CDH23: variants seen among roughly 807,000 people sequenced by gnomAD.
CDH23 encodes cadherin-23.
In CDH23, 189 loss-of-function variants were observed where a neutral mutation model predicts 317.1. The observed-to-expected ratio is 0.60, with a 90% CI of 0.53 to 0.67. The LOEUF (loss-of-function observed/expected upper bound fraction) is 0.67. Among genes scored for constraint, CDH23 ranks in the 30% least tolerant of loss-of-function variants. The pLI, the probability that CDH23 is intolerant of heterozygous loss-of-function variation, is 0.00. For synonymous variants in CDH23, 1,839 were observed against 1,876.8 expected, an observed-to-expected ratio of 0.98 and a Z score of 0.52; for missense variants, 4,401 against 4,592.4, an observed-to-expected ratio of 0.96 and a Z score of 1.20.
intron 38 of CDH23, chr10:71,773,335 C>A: frequency 1.9e-6 from 3 of 1,588,936 alleles, no homozygotes; most frequent in East Asian, 2.3e-5. Context: ...TTTTTCCCAG[C>A]GCCCCGCCTC....
At chr10:71,567,018 C>A in intron 7 of CDH23, 82 bp downstream of exon 7, 2 of 1,296,568 alleles carry the variant, frequency 1.5e-6, no homozygotes, top group Non-Finnish European at 2.2e-6. Flanking sequence ...TCCAATGGGA[C>A]ATTGACCCAG....
At chr10:71,708,947 C>A in intron 26 of CDH23, 151 bp from the exon 27 acceptor site, 2 of 713,422 alleles carry the variant, frequency 2.8e-6, no homozygotes, top group Non-Finnish European at 5.0e-6. Flanking sequence ...GCTGCACCCG[C>A]ATCAGAGCAC....
chr10:71,790,468 C>T, intron 46 of CDH23, 55 bp downstream of exon 46: 2 of 1,593,750 alleles, frequency 1.3e-6, no homozygotes, highest in Non-Finnish European at 1.7e-6. Flanking sequence ...TGGGGATGGC[C>T]ACACTGCTGG....
At chr10:71,600,706 C>T (rs1860164503) in intron 9 of CDH23, among the ~76,000 whole-genome samples, 1 of 151,824 alleles carries the variant, frequency 6.6e-6, no homozygotes, top group Admixed American at 6.6e-5. Context: ...TCAGTCGAGA[C>T]AAGATTTCAC....
chr10:71,682,942 A>G (rs1864714861), intron 18 of CDH23, among the ~76,000 whole-genome samples: 1 of 152,064 alleles, frequency 6.6e-6, no homozygotes, highest in Non-Finnish European at 1.5e-5. Context: ...GAACAGAAGA[A>G]TGACCAGAAG....
intron 14 of CDH23, among the ~76,000 whole-genome samples, chr10:71,657,044 C>T (rs1863448087): frequency 6.6e-6 from 1 of 152,216 alleles, no homozygotes; most frequent in Admixed American, 6.5e-5. Flanking sequence ...CCTCCTGCTG[C>T]TTCACCCTCC....
chr10:71,551,435 G>A (rs1856592010), intron 6 of CDH23, among the ~76,000 whole-genome samples: 1 of 152,208 alleles, frequency 6.6e-6, no homozygotes, highest in African/African-American at 2.4e-5. Flanking sequence ...TGGAAATCGA[G>A]TCTCCGCATT....
intron 24 of CDH23, among the ~76,000 whole-genome samples, chr10:71,703,364 A>AATCCCATCT (rs1309254716): frequency 6.6e-6 from 1 of 152,220 alleles, no homozygotes; most frequent in Non-Finnish European, 1.5e-5. Context: ...CGGGGATGTG[A>AATCCCATCT]ATCCCATCTC....
rs397517306 is a variant in CDH23 at position 71,646,596 on chromosome 10, G to T, written c.1428G>T (p.Gly476=). ...NISLYENVTV[G]TSVLTVLATD... ...GCCTGTACGAGAACGTCACCGTGGG[G>T]ACCTCTGTGCTGACAGTCCTGGTGA... Residue 476 remains glycine, a synonymous_variant, in exon 14 of 70, where the codon GGG becomes GGT. Coordinates refer to ENST00000224721, the MANE Select transcript of CDH23 (RefSeq NM_022124.6). 12 of 1,613,996 alleles carry T rather than the reference G, an allele frequency of 7.4e-6. No individual in the cohort carries two copies. The highest frequency in any genetic ancestry group is 3.3e-5 in the Admixed American group (2 of 60,024).
Position 71,800,669 on chromosome 10 carries a change from G to A in CDH23, c.7396G>A (p.Glu2466Lys). ...CTATGTGCTGTCTTCTCTGGACCGG[G>A]AGAAGAAGGACCACTATATCCTGAC... ...DIYVLSSLDREKKDHYILTAL... is the reference protein window; with the variant it reads ...DIYVLSSLDRKKKDHYILTAL... The change falls in exon 53 of 70, where the codon GAG becomes AAG. Residue 2466 changes from glutamate (E) to lysine (K), a missense_variant. Around this residue, in one of 3 missense-constraint regions of CDH23, gnomAD observed 189 missense variants for 250.9 expected, o/e 0.75. Coordinates refer to ENST00000224721, the MANE Select transcript of CDH23 (RefSeq NM_022124.6). The A allele has an allele frequency of 6.2e-7, 1 of 1,613,958 alleles. No homozygotes were observed. Among genetic ancestry groups the A allele is most frequent in the Non-Finnish European group, 8.5e-7 (1 of 1,179,892 alleles).
chr10:71,585,623 G>A (rs2394829), intron 9 of CDH23, among the ~76,000 whole-genome samples: 114,038 of 152,092 alleles, frequency 0.75, 43,017 homozygotes, highest in African/African-American at 0.82. Context: ...ATCATGCCGA[G>A]ACAGCAATAA....
At chr10:71,766,695 T>C (rs1043098759) in intron 38 of CDH23, among the ~76,000 whole-genome samples, 7 of 152,124 alleles carry the variant, frequency 4.6e-5, no homozygotes, top group African/African-American at 1.7e-4. Flanking sequence ...ACCCCCAACA[T>C]GGGTGGTATC....
chr10:71,806,053 G>A lies in CDH23; in HGVS notation c.8064+56G>A, dbSNP rs1841709158. The A allele has an allele frequency of 9.1e-6, 14 of 1,539,810 alleles. No homozygotes were observed. In the South Asian group the frequency reaches 1.2e-4, roughly 13 times the overall value. ...GTCTGGGGCGGGGCTTTCTTCTGGG[G>A]GCGGGTCTTGCACCTCGCCTCCTGG... On this transcript the variant is annotated intron_variant, in intron 56 of 69. Transcript: ENST00000224721.
chr10:71,594,712 G>A (rs1322077991), intron 9 of CDH23, among the ~76,000 whole-genome samples: 1 of 152,016 alleles, frequency 6.6e-6, no homozygotes, highest in Non-Finnish European at 1.5e-5. Flanking sequence ...TCCTTGATTT[G>A]GCCTCTTGAC....
chr10:71,620,107 G>A (rs1034409111), intron 11 of CDH23, among the ~76,000 whole-genome samples: 1 of 152,236 alleles, frequency 6.6e-6, no homozygotes, highest in African/African-American at 2.4e-5. Context: ...TGATCTGCAG[G>A]TCCCTCGGTC....
rs745803296 is a variant in CDH23, at chr10:71,791,260, C to T, written c.6178C>T (p.Leu2060=). Residue 2060 remains leucine, a synonymous_variant, in exon 47 of 70, where the codon CTG becomes TTG. Transcript: ENST00000224721. ...NSTAHLLITI[L]DDNDNRPTFS... ...CACGGCCCACCTGCTCATCACCATC[C>T]TGGATGACAATGACAACCGGCCCAC... The T allele has an allele frequency of 9.3e-6, 15 of 1,613,978 alleles. 1 individual carries two copies. The highest frequency in any genetic ancestry group is 8.8e-5 in the South Asian group (8 of 91,056).
intron 6 of CDH23, among the ~76,000 whole-genome samples, chr10:71,536,877 A>G (rs888142986): frequency 6.6e-6 from 1 of 152,080 alleles, no homozygotes. Flanking sequence ...CAAAGATGCA[A>G]GTACCTGAGC....
intron 40 of CDH23, 80 bp from the exon 41 acceptor site, chr10:71,779,187 C>T (rs900493662): frequency 8.2e-6 from 11 of 1,339,470 alleles, no homozygotes; most frequent in East Asian, 2.3e-5. Context: ...TTATCAGGTC[C>T]ATTTCACAGA....
At chr10:71,532,339 G>A (rs1225111553) in intron 6 of CDH23, among the ~76,000 whole-genome samples, 4 of 152,246 alleles carry the variant, frequency 2.6e-5, no homozygotes, top group Admixed American at 6.5e-5. Context: ...GTCTAAGGGA[G>A]AGAGCGCCTG....
Sources: gnomAD v4.1 joint callset for allele counts (sites outside exome capture counted in the v4.1 genomes callset) on GRCh38, gnomAD v4.1.1 for gene constraint, gnomAD v4.1.1 regional missense constraint, MANE v1.5 for transcripts, NCBI Gene and HGNC (gene_info 2026-07-23, HGNC 2026-07-21) for gene names.